The following CLVS1 variants were observed in gnomAD, a reference collection of about 807,000 sequenced individuals.
CLVS1 encodes clavesin 1, also known as clavesin-1.
In CLVS1, 10 loss-of-function variants were observed where a neutral mutation model predicts 33.1. That is an observed-to-expected ratio of 0.30 (90% CI 0.19 to 0.51). The LOEUF (loss-of-function observed/expected upper bound fraction) is 0.51. CLVS1 is among the 20% of genes least tolerant of loss of function. The probability of loss-of-function intolerance (pLI) is 0.97; values close to 1 mark genes in which losing one functional copy is unlikely to be tolerated. For synonymous variants in CLVS1, 163 were observed against 166.1 expected (o/e 0.98, Z 0.14); for missense variants, 343 against 433.4 (o/e 0.79, Z 1.85).
chr8:61,309,792 G>A (rs1265903794), intron 2 of CLVS1, among the ~76,000 whole-genome samples: 1 of 152,230 alleles, frequency 6.6e-6, no homozygotes, highest in African/African-American at 2.4e-5. Flanking sequence ...TTGGCAGTGG[G>A]AGATGAGCAT....
chr8:61,245,839 G>A (rs369940827), intron 2 of CLVS1, among the ~76,000 whole-genome samples: 6 of 151,590 alleles, frequency 4.0e-5, no homozygotes, highest in African/African-American at 1.2e-4. Flanking sequence ...TGTGATCATC[G>A]GTCATTGACA....
chr8:61,453,608 G>C (rs1195802483), intron 3 of CLVS1, among the ~76,000 whole-genome samples: 1 of 152,096 alleles, frequency 6.6e-6, no homozygotes, highest in African/African-American at 2.4e-5. Flanking sequence ...TTAGCATTTG[G>C]TTGATTCCAC....
chr8:61,154,134 C>G (rs943510317), intron 2 of CLVS1, among the ~76,000 whole-genome samples: 4 of 152,050 alleles, frequency 2.6e-5, no homozygotes, highest in African/African-American at 9.7e-5. Flanking sequence ...TGCTTCTTTT[C>G]TGTAGTTTGG....
chr8:61,143,131 A>T (rs1258100548), intron 2 of CLVS1, among the ~76,000 whole-genome samples: 2 of 152,242 alleles, frequency 1.3e-5, no homozygotes, highest in Non-Finnish European at 2.9e-5. Flanking sequence ...AGAAACAAAG[A>T]AGGGAAAACA....
rs150406719 is a variant in CLVS1, at chr8:61,311,768, A to T, written c.455+11486A>T. 1.2e-3 allele frequency among the ~76,000 whole-genome samples: 179 copies of T among 152,338 alleles called. 2 individuals carry two copies. Among genetic ancestry groups the T allele is most frequent in the Admixed American group, 3.2e-3 (49 of 15,296 alleles). On this transcript the variant is annotated intron_variant, in intron 2 of 5. Transcript: ENST00000325897. ...CTCATAGATAAAAAAGTCTCCTCTG[A>T]TGGCTAGAAGTCCAAGGGCCTAAGA...
At chr8:61,281,733 C>G (rs1174507979) in intron 2 of CLVS1, among the ~76,000 whole-genome samples, 1 of 152,060 alleles carries the variant, frequency 6.6e-6, no homozygotes, top group African/African-American at 2.4e-5. Context: ...ACTAAATATC[C>G]AAGGCCCTCT....
intron 2 of CLVS1, among the ~76,000 whole-genome samples, chr8:61,272,085 G>T (rs1809452662): frequency 6.6e-6 from 1 of 151,368 alleles, no homozygotes; most frequent in South Asian, 2.1e-4. Flanking sequence ...TTTCTTCCTA[G>T]TCTCGATGGT....
chr8:61,254,587 C>T (rs982266699), intron 2 of CLVS1, among the ~76,000 whole-genome samples: 1 of 152,140 alleles, frequency 6.6e-6, no homozygotes, highest in African/African-American at 2.4e-5. Context: ...GCTTCCCAGC[C>T]ACTTTGTTTA....
At chr8:61,158,644 C>T (rs76678909) in intron 2 of CLVS1, among the ~76,000 whole-genome samples, 3,976 of 151,488 alleles carry the variant, frequency 0.026, 165 homozygotes, top group African/African-American at 0.09. Context: ...GGGACAGCAG[C>T]AAAATGAGAC....
the CLVS1 span, among the ~76,000 whole-genome samples, chr8:60,981,483 C>T: frequency 5.9e-5 from 9 of 152,216 alleles, no homozygotes; most frequent in African/African-American, 2.2e-4. Flanking sequence ...GAGTGGCCTG[C>T]AGGAAGAAAC....
intron 1 of CLVS1, among the ~76,000 whole-genome samples, chr8:61,117,428 G>A (rs1025561939): frequency 2.0e-5 from 3 of 151,966 alleles, no homozygotes; most frequent in African/African-American, 7.3e-5. Flanking sequence ...AGTGGTGAGA[G>A]AGGGCATCCC....
the CLVS1 span, among the ~76,000 whole-genome samples, chr8:60,988,897 C>T: frequency 6.6e-6 from 1 of 152,212 alleles, no homozygotes; most frequent in Non-Finnish European, 1.5e-5. Context: ...CAGAGTCTTG[C>T]TCTGTCATCC....
At chr8:61,358,924 C>T (rs1211293474) in intron 2 of CLVS1, among the ~76,000 whole-genome samples, 11 of 152,016 alleles carry the variant, frequency 7.2e-5, no homozygotes, top group East Asian at 1.9e-4. Context: ...TGGAAGCATA[C>T]GCAGCTATCT....
At chr8:61,428,477 C>T (rs1032809013) in intron 3 of CLVS1, among the ~76,000 whole-genome samples, 1 of 152,158 alleles carries the variant, frequency 6.6e-6, no homozygotes, top group South Asian at 2.1e-4. Flanking sequence ...ATTACAACCT[C>T]CAGAATAAGA....
chr8:61,246,953 C>A (rs905473789), intron 2 of CLVS1, among the ~76,000 whole-genome samples: 11 of 152,104 alleles, frequency 7.2e-5, no homozygotes, highest in African/African-American at 2.2e-4. Context: ...TCCTCTCCCT[C>A]TTCCCACCCT....
At chr8:61,393,922 C>T (rs1359275603) in intron 3 of CLVS1, among the ~76,000 whole-genome samples, 2 of 152,210 alleles carry the variant, frequency 1.3e-5, no homozygotes, top group East Asian at 3.8e-4. Context: ...CTCAGAACCT[C>T]TGGTTAGCCA....
At chr8:61,305,419 C>A (rs1034397697) in intron 2 of CLVS1, among the ~76,000 whole-genome samples, 18 of 152,064 alleles carry the variant, frequency 1.2e-4, no homozygotes, top group African/African-American at 4.3e-4. Context: ...TGAGTGAGAA[C>A]ATGAAATATT....
At chr8:61,077,240 T>G (rs1804930939) in intron 1 of CLVS1, among the ~76,000 whole-genome samples, 1 of 150,450 alleles carries the variant, frequency 6.6e-6, no homozygotes, top group East Asian at 2.0e-4. Context: ...CACCCGCTAA[T>G]TTTTTGTATT....
chr8:61,096,477 G>A (rs1805353219), intron 1 of CLVS1, among the ~76,000 whole-genome samples: 1 of 152,160 alleles, frequency 6.6e-6, no homozygotes, highest in African/African-American at 2.4e-5. Flanking sequence ...CCCATATTCT[G>A]TAGGAAAAAT....
Sources: allele counts gnomAD v4.1 joint callset (sites outside exome capture counted in the v4.1 genomes callset), GRCh38; gene constraint gnomAD v4.1.1; transcripts MANE v1.5; gene names NCBI Gene and HGNC (gene_info 2026-07-23, HGNC 2026-07-21).